The following TAX1BP1 variants were observed in gnomAD, a reference collection of about 807,000 sequenced individuals.
TAX1BP1 encodes the protein Tax1 binding protein 1.
A neutral mutation model predicts 97.7 loss-of-function variants in TAX1BP1; 62 were observed. That is an observed-to-expected ratio of 0.63 (90% CI 0.52 to 0.78). TAX1BP1 has a LOEUF of 0.78. TAX1BP1 is among the 30% of genes least tolerant of loss of function. TAX1BP1 has a pLI of 0.00. For missense variants in TAX1BP1, 867 were observed against 916.1 expected (o/e 0.95, Z 0.69); for synonymous variants, 340 against 304.2 (o/e 1.12, Z -1.23).
intron 13 of TAX1BP1, among the ~76,000 whole-genome samples, chr7:27,813,390 T>C (rs1228986576): frequency 6.6e-6 from 1 of 151,730 alleles, no homozygotes; most frequent in African/African-American, 2.4e-5. Flanking sequence ...GGTCTTACTC[T>C]GTCACCCAGG....
Position 27,827,775 on chromosome 7 carries a change from G to C in TAX1BP1, c.2123G>C (p.Ser708Thr), listed in dbSNP as rs570040571. The C allele has an allele frequency of 7.4e-6, 12 of 1,613,942 alleles. No homozygotes were observed. The East Asian group carries it at 2.5e-4, about 33-fold the overall frequency. The change falls in exon 16 of 17, where the codon AGT (serine) becomes ACT (threonine). Residue 708 changes from serine (S) to threonine (T), a missense_variant. Ser to Thr is a moderately conservative substitution (Grantham distance 58). Around this residue, in one of 3 missense-constraint regions of TAX1BP1, gnomAD observed 822 missense variants for 851.4 expected, o/e 0.97. Coordinates refer to ENST00000396319, the MANE Select transcript of TAX1BP1 (RefSeq NM_006024.7). ...GTGCCTACTGCTCCTGATCCTCCAAGTCAACATTTACGTGGGCATGGGACA... is the reference window on the plus strand; with the variant it reads ...GTGCCTACTGCTCCTGATCCTCCAACTCAACATTTACGTGGGCATGGGACA... ...ENVPTAPDPP[S>T]QHLRGHGTGF...
At chr7:27,768,896 A>G (rs564368130) in intron 4 of TAX1BP1, among the ~76,000 whole-genome samples, 1 of 152,106 alleles carries the variant, frequency 6.6e-6, no homozygotes, top group South Asian at 2.1e-4. Flanking sequence ...AAAACATTTT[A>G]CCAATTAAAT....
chr7:27,788,134 G>C (rs912400262), intron 8 of TAX1BP1, among the ~76,000 whole-genome samples: 5 of 152,060 alleles, frequency 3.3e-5, no homozygotes, highest in Non-Finnish European at 5.9e-5. Flanking sequence ...GGAGAAGACA[G>C]GCTAGTCTGA....
chr7:27,764,695 T>G (rs1187322227), intron 3 of TAX1BP1, among the ~76,000 whole-genome samples: 1 of 152,184 alleles, frequency 6.6e-6, no homozygotes, highest in Admixed American at 6.5e-5. Flanking sequence ...CTGTGCATCT[T>G]GCCTACGATT....
chr7:27,782,327 C>T (rs1404062903), intron 5 of TAX1BP1, among the ~76,000 whole-genome samples: 1 of 152,076 alleles, frequency 6.6e-6, no homozygotes, highest in African/African-American at 2.4e-5. Flanking sequence ...ACCTCCACGT[C>T]GTGTGTTCAA....
intron 8 of TAX1BP1, 86 bp from the exon 9 acceptor site, chr7:27,791,920 C>T: frequency 7.7e-7 from 1 of 1,298,584 alleles, no homozygotes; most frequent in Non-Finnish European, 1.1e-6. Context: ...AATTTTGGCC[C>T]TGTTGAAATA....
chr7:27,768,677 A>AT (rs1788732384), intron 4 of TAX1BP1, among the ~76,000 whole-genome samples: 1 of 151,948 alleles, frequency 6.6e-6, no homozygotes, highest in Admixed American at 6.6e-5. Flanking sequence ...ATTTCAAATC[A>AT]TTTTTTAAAA....
rs1213761515 is a variant in TAX1BP1 at position 27,790,581 on chromosome 7, C to G, written c.1039-1425C>G. 2.0e-5 allele frequency among the ~76,000 whole-genome samples: 3 copies of G among 151,442 alleles called. No individual in the cohort carries two copies. In the East Asian group the frequency reaches 5.8e-4, roughly 29 times the overall value. On this transcript the variant is annotated intron_variant, in intron 8 of 16. Coordinates refer to ENST00000396319, the MANE Select transcript of TAX1BP1 (RefSeq NM_006024.7). ...AGTATATCATAGTTTATCATAAATT[C>G]TCATGTTGGTAGACATTTTAGGTTC...
At chr7:27,820,324 T>G (rs182658951) in intron 15 of TAX1BP1, among the ~76,000 whole-genome samples, 10 of 152,176 alleles carry the variant, frequency 6.6e-5, no homozygotes, top group African/African-American at 2.4e-4. Flanking sequence ...CTGCAGACAT[T>G]TTTTGTTGAT....
At chr7:27,828,125 A>G (rs1437167589) in intron 16 of TAX1BP1, among the ~76,000 whole-genome samples, 1 of 152,226 alleles carries the variant, frequency 6.6e-6, no homozygotes, top group East Asian at 1.9e-4. Flanking sequence ...CTAATGTTGT[A>G]TAATAATGCA....
At chr7:27,796,078 A>G (rs750175455) in intron 11 of TAX1BP1, 38 bp from the exon 12 acceptor site, 1 of 1,523,216 alleles carries the variant, frequency 6.6e-7, no homozygotes. Flanking sequence ...TAAGGGGCAA[A>G]ATACTTTTTA....
chr7:27,754,007 T>C (rs1788114884), intron 2 of TAX1BP1, among the ~76,000 whole-genome samples: 1 of 152,198 alleles, frequency 6.6e-6, no homozygotes, highest in African/African-American at 2.4e-5. Flanking sequence ...TTCTCACATC[T>C]CCGAGATACT....
chr7:27,801,930 G>A (rs1339332528), intron 13 of TAX1BP1, among the ~76,000 whole-genome samples: 1 of 152,168 alleles, frequency 6.6e-6, no homozygotes, highest in Non-Finnish European at 1.5e-5. Flanking sequence ...CAAATATTTA[G>A]GGGGAAGACA....
intron 1 of TAX1BP1, among the ~76,000 whole-genome samples, chr7:27,741,631 C>T (rs1445623987): frequency 1.3e-5 from 2 of 151,838 alleles, no homozygotes; most frequent in Non-Finnish European, 2.9e-5. Flanking sequence ...CTCCTGAGTA[C>T]CTGGGATTAC....
At chr7:27,767,415 A>G (rs1788685907) in intron 4 of TAX1BP1, among the ~76,000 whole-genome samples, 2 of 152,262 alleles carry the variant, frequency 1.3e-5, no homozygotes, top group Admixed American at 6.5e-5. Flanking sequence ...TACTTTTATT[A>G]GACAGTCAAA....
chr7:27,764,715 T>A (rs541156247), intron 3 of TAX1BP1, among the ~76,000 whole-genome samples: 1 of 152,266 alleles, frequency 6.6e-6, no homozygotes, highest in South Asian at 2.1e-4. Flanking sequence ...TATTGTGGTG[T>A]TTGCCTAATG....
chr7:27,771,097 A>ATATTTTTTTTTTTT, intron 5 of TAX1BP1, among the ~76,000 whole-genome samples: 1 of 40,570 alleles, frequency 2.5e-5, no homozygotes, highest in Non-Finnish European at 5.0e-5. Flanking sequence ...ACATTCAGCA[A>ATATTTTTTTTTTTT]TTTTTTTTTT....
intron 5 of TAX1BP1, chr7:27,772,325 T>C (rs1788877388): frequency 6.6e-6 from 1 of 152,058 alleles, no homozygotes; most frequent in African/African-American, 2.4e-5. Flanking sequence ...GTGTGAATCC[T>C]ATAGTAGTTC....
At position 27,762,726 on chromosome 7, in the gene TAX1BP1, A is replaced by G. The variant is rs73078772; in HGVS notation, c.266-3108A>G. Among the ~76,000 whole-genome samples, 888 of 152,274 alleles carry G rather than the reference A, an allele frequency of 5.8e-3. 6 individuals carry two copies. The highest frequency in any genetic ancestry group is 0.01 in the Admixed American group (155 of 15,292). Reference sequence around the variant, plus strand: ...CATTTTGTGAGGCCAAGGAGGATGGATTGCATGAGCCCAGGAATTTGAGAC... The same window carrying G: ...CATTTTGTGAGGCCAAGGAGGATGGGTTGCATGAGCCCAGGAATTTGAGAC... On this transcript the variant is annotated intron_variant, in intron 3 of 16. Coordinates refer to ENST00000396319, the MANE Select transcript of TAX1BP1 (RefSeq NM_006024.7).
Sources: gnomAD v4.1 joint callset for allele counts (sites outside exome capture counted in the v4.1 genomes callset) on GRCh38, gnomAD v4.1.1 for gene constraint, gnomAD v4.1.1 regional missense constraint, MANE v1.5 for transcripts, NCBI Gene and HGNC (gene_info 2026-07-23, HGNC 2026-07-21) for gene names.